WDR4: variants seen among roughly 807,000 people sequenced by gnomAD.
WDR4 encodes tRNA (guanine-N(7)-)-methyltransferase non-catalytic subunit WDR4.
A neutral mutation model predicts 48.6 loss-of-function variants in WDR4; 47 were observed. The observed-to-expected ratio is 0.97, with a 90% CI of 0.77 to 1.23. The LOEUF is 1.23. Among genes scored for constraint, WDR4 ranks in the 50% most tolerant of loss-of-function variants. WDR4 has a pLI of 0.00. For missense variants in WDR4, 606 were observed against 551.6 expected (o/e 1.10, Z -0.99); for synonymous variants, 268 against 230.0 (o/e 1.17, Z -1.49).
upstream of WDR4, among the ~76,000 whole-genome samples, chr21:42,883,381 A>G (rs570583004): frequency 2.0e-5 from 3 of 152,138 alleles, no homozygotes; most frequent in African/African-American, 7.2e-5. Flanking sequence ...TTCAGTTAAA[A>G]AAAAAATTGT....
At chr21:42,871,507 T>C (rs1951054580) in intron 3 of WDR4, among the ~76,000 whole-genome samples, 1 of 152,224 alleles carries the variant, frequency 6.6e-6, no homozygotes, top group Non-Finnish European at 1.5e-5. Flanking sequence ...TCCCATCTTC[T>C]CTATTCTAGG....
In WDR4 at chr21:42,850,257, C is replaced by A; in HGVS notation, c.1046-15G>T. ...GCCGGCAGAGCCTGTGATGGGGGAACAAGGACAGGTGCCAGGTGGGGCAGG... is the reference window on the plus strand; with the variant it reads ...GCCGGCAGAGCCTGTGATGGGGGAAAAAGGACAGGTGCCAGGTGGGGCAGG... On this transcript the variant is annotated splice_polypyrimidine_tract_variant and intron_variant, in intron 10 of 10. Coordinates refer to ENST00000398208, the MANE Select transcript of WDR4 (RefSeq NM_018669.6). 7 of 1,578,430 alleles carry A rather than the reference C, an allele frequency of 4.4e-6. No individual in the cohort carries two copies. Among genetic ancestry groups the A allele is most frequent in the Middle Eastern group, 1.7e-4 (1 of 5,750 alleles).
Position 42,862,468 on chromosome 21 carries a change from G to C in WDR4, c.454-74C>G. 1 of 1,416,220 alleles carries C rather than the reference G, an allele frequency of 7.1e-7. No individual in the cohort carries two copies. Among genetic ancestry groups the C allele is most frequent in the Middle Eastern group, 1.8e-4 (1 of 5,668 alleles). 87.7% of individuals were successfully genotyped at this position (1,416,220 alleles called of 1,614,324 possible). The stretch of plus-strand genomic sequence containing the variant: ...CCGAATCAAGTCCCTCATGGAAGAA[G>C]GCAGGGAAGCTGCAGCCTGGCCGCC... On this transcript the variant is annotated intron_variant, in intron 4 of 10. Transcript: ENST00000398208. This position sits in a 1 kb window ranked among gnomAD's most constrained non-coding sequence, Gnocchi z 4.3.
downstream of WDR4, among the ~76,000 whole-genome samples, chr21:42,848,298 C>T (rs1233600626): frequency 9.2e-5 from 14 of 151,886 alleles, no homozygotes; most frequent in Admixed American, 5.2e-4. Flanking sequence ...AATCACGCGG[C>T]GCACACCTCA....
In WDR4 at chr21:42,863,675, G is replaced by A. The variant is rs112237505; in HGVS notation, c.297-79C>T. The A allele has an allele frequency of 0.075, 111,550 of 1,483,124 alleles. 4,749 individuals are homozygous for A. Among genetic ancestry groups the A allele is most frequent in the Middle Eastern group, 0.092 (500 of 5,450 alleles). 91.9% of individuals were successfully genotyped at this position (1,483,124 alleles called of 1,614,324 possible). A position where few individuals can be genotyped will look rare whatever the true frequency, so the allele number is the denominator to read the frequency against. ...CGACAGCCTGGCAGGCCACGTGGGC[G>A]GTGGCAGGCACCGGTACCTGGCCAT... On this transcript the variant is annotated intron_variant, in intron 3 of 10. Coordinates refer to ENST00000398208, the MANE Select transcript of WDR4 (RefSeq NM_018669.6).
rs760766670 is a variant in WDR4, at chr21:42,855,778, G to A, written c.630C>T (p.Asp210=). ...QPGLLLSSSG[D]GTLRLWEYRS... is the part of the protein sequence containing the mutation. ...TGTACTCCCAGAGCCTCAGGGTGCC[G>A]TCCTGCACAAACCAAACACACAGGT... The change falls in exon 7 of 11, where the codon GAC becomes GAT. Residue 210 remains aspartate (D), a splice_region_variant and synonymous_variant. Coordinates refer to ENST00000398208, the MANE Select transcript of WDR4 (RefSeq NM_018669.6). 228 of 1,548,706 alleles carry A rather than the reference G, an allele frequency of 1.5e-4. 1 individual carries two copies. Among genetic ancestry groups the A allele is most frequent in the South Asian group, 9.4e-4 (79 of 83,910 alleles).
intron 10 of WDR4, among the ~76,000 whole-genome samples, chr21:42,851,548 G>C (rs2057827784): frequency 6.6e-6 from 1 of 152,204 alleles, no homozygotes; most frequent in Admixed American, 6.5e-5. Context: ...CGTGAATGAG[G>C]CACCTGGATT....
rs1178601131 is a variant in WDR4 at position 42,853,576 on chromosome 21, TGGTC to T, written c.964_967del (p.Asp322SerfsTer11). 1 of 1,608,378 alleles carries T rather than the reference TGGTC, an allele frequency of 6.2e-7. No homozygotes were observed. ...GAAGGTGCCGAGTCTCACCTGCCAC[TGGTC>T]GCCCACAGGCCTGTAGAGCACCAGG... On this transcript the variant is annotated frameshift_variant, in exon 9 of 11. Coordinates refer to ENST00000398208, the MANE Select transcript of WDR4 (RefSeq NM_018669.6). LOFTEE classifies it high-confidence loss of function.
the WDR4 span, among the ~76,000 whole-genome samples, chr21:42,887,598 T>G: frequency 6.6e-6 from 1 of 152,218 alleles, no homozygotes; most frequent in Non-Finnish European, 1.5e-5. Flanking sequence ...TAGTGAGGTA[T>G]GTGCTAACAT....
At chr21:42,855,127 C>CAAA (rs11287027) in intron 7 of WDR4, among the ~76,000 whole-genome samples, 1 of 128,894 alleles carries the variant, frequency 7.8e-6, no homozygotes, top group Non-Finnish European at 1.7e-5. Flanking sequence ...GACTCCATCT[C>CAAA]AAAAAAAAAA....
chr21:42,890,092 A>T, the WDR4 span, among the ~76,000 whole-genome samples: 2 of 151,874 alleles, frequency 1.3e-5, no homozygotes, highest in African/African-American at 4.8e-5. Context: ...AAAAAAATAT[A>T]TATATTATAT....
upstream of WDR4, chr21:42,879,658 G>T: frequency 1.2e-6 from 1 of 836,496 alleles, no homozygotes; most frequent in South Asian, 1.9e-5. Context: ...AAGGTGCTGT[G>T]ACCGCCCTCC....
chr21:42,879,899 G>T, upstream of WDR4: 1 of 399,442 alleles, frequency 2.5e-6, no homozygotes, highest in Non-Finnish European at 4.4e-6. Context: ...ATGAACCGGG[G>T]GCCGTGGCTC....
intron 2 of WDR4, among the ~76,000 whole-genome samples, chr21:42,875,018 C>G (rs2058459937): frequency 6.6e-6 from 1 of 152,128 alleles, no homozygotes; most frequent in African/African-American, 2.4e-5. Flanking sequence ...TGATGTCTCC[C>G]CCGGACGCCC....
rs557428891 is a variant in WDR4, at chr21:42,859,659, T to C, written c.627+3A>G. On this transcript the variant is annotated splice_donor_region_variant and intron_variant, in intron 6 of 10. Coordinates refer to ENST00000398208, the MANE Select transcript of WDR4 (RefSeq NM_018669.6). The stretch of plus-strand genomic sequence containing the variant: ...GGTGAGTGACGCTGGGCAGAACACT[T>C]ACCCCAGAGGAGGACAGAAGCAGCC... The C allele has an allele frequency of 3.3e-5, 45 of 1,354,310 alleles. No homozygotes were observed. The South Asian group carries it at 4.6e-4, about 14-fold the overall frequency. 83.9% of individuals were successfully genotyped at this position (1,354,310 alleles called of 1,614,324 possible).
chr21:42,874,771 T>C (rs184454032), intron 2 of WDR4, among the ~76,000 whole-genome samples: 57 of 152,250 alleles, frequency 3.7e-4, no homozygotes, highest in Non-Finnish European at 6.9e-4. Flanking sequence ...TGTCTCCTGA[T>C]AAGATGTTAT....
At chr21:42,882,866 A>C (rs1269685633), upstream of WDR4, among the ~76,000 whole-genome samples, 1 of 152,182 alleles carries the variant, frequency 6.6e-6, no homozygotes, top group Non-Finnish European at 1.5e-5. Context: ...TGAGAGGCCA[A>C]GGCAGGTGGA....
At chr21:42,850,319 G>T in intron 10 of WDR4, 77 bp from the exon 11 acceptor site, 1 of 1,370,980 alleles carries the variant, frequency 7.3e-7, no homozygotes, top group South Asian at 1.4e-5. Context: ...GCCCCCTGCA[G>T]CAGGGAGTTA....
At position 42,862,926 on chromosome 21, in the gene WDR4, G is replaced by A. The variant is rs988826338; in HGVS notation, c.453+514C>T. On this transcript the variant is annotated intron_variant, in intron 4 of 10. Coordinates refer to ENST00000398208, the MANE Select transcript of WDR4 (RefSeq NM_018669.6). The surrounding 1 kb of genome is among the most constrained non-coding windows in gnomAD (Gnocchi z 4.3). ...GCGCCCTCTGGGGCTCCAGGTGTGT[G>A]TCTGTGACACACGGGGCACACAGAG... 7.9e-5 allele frequency among the ~76,000 whole-genome samples: 12 copies of A among 152,200 alleles called. No homozygotes were observed. The highest frequency in any genetic ancestry group is 1.3e-4 in the Admixed American group (2 of 15,282).
Sources: gnomAD v4.1 joint callset for allele counts (sites outside exome capture counted in the v4.1 genomes callset) on GRCh38, gnomAD v4.1.1 for gene constraint, Gnocchi (gnomAD v3.1) non-coding constraint, MANE v1.5 for transcripts, NCBI Gene and HGNC (gene_info 2026-07-23, HGNC 2026-07-21) for gene names.